Variants in CPAP observed in about 807,000 individuals in gnomAD.
CPAP encodes the protein centrosome assembly and centriole elongation protein.
At chr13:24,914,393 A>G in the CPAP span, among the ~76,000 whole-genome samples, 2 of 152,148 alleles carry the variant, frequency 1.3e-5, no homozygotes, top group Admixed American at 6.5e-5. Context: ...TGAGATCCAG[A>G]GCCAGGCTTC....
At chr13:24,893,542 G>A in the CPAP span, among the ~76,000 whole-genome samples, 1 of 152,238 alleles carries the variant, frequency 6.6e-6, no homozygotes, top group Non-Finnish European at 1.5e-5. Context: ...CGGCAGCCTG[G>A]TGAGGATGGA....
At chr13:24,884,108 A>T in the CPAP span, 1 of 1,606,784 alleles carries the variant, frequency 6.2e-7, no homozygotes, top group Non-Finnish European at 8.5e-7. Flanking sequence ...GTTACAGTAA[A>T]TATTTTTTGA....
chr13:24,903,306 C>T, the CPAP span, among the ~76,000 whole-genome samples: 17 of 152,162 alleles, frequency 1.1e-4, no homozygotes, highest in African/African-American at 3.6e-4. Flanking sequence ...GTTAAGATGA[C>T]GTTATACTGG....
the CPAP span, chr13:24,904,043 G>A: frequency 6.2e-7 from 1 of 1,613,830 alleles, no homozygotes; most frequent in Non-Finnish European, 8.5e-7. Flanking sequence ...CAAAACCTGG[G>A]ATCGAGCATT....
At chr13:24,932,923 C>CCA in the CPAP span, 286,747 of 889,762 alleles carry the variant, frequency 0.32, 47,704 homozygotes, top group Admixed American at 0.44. Context: ...CCTAATTTTT[C>CCA]CAGTTTGTAT....
At chr13:24,906,004 GA>G in the CPAP span, 1 of 1,613,990 alleles carries the variant, frequency 6.2e-7, no homozygotes, top group African/African-American at 1.3e-5. Context: ...TGCTCTTTTG[GA>G]CGGCTTTCCT....
the CPAP span, among the ~76,000 whole-genome samples, chr13:24,895,122 A>G: frequency 1.3e-5 from 2 of 152,248 alleles, no homozygotes. Context: ...GAAAACGGGA[A>G]GAAAGCGCAG....
At chr13:24,895,565 A>T in the CPAP span, among the ~76,000 whole-genome samples, 1 of 152,204 alleles carries the variant, frequency 6.6e-6, no homozygotes, top group Non-Finnish European at 1.5e-5. Context: ...AAGAAAGAAA[A>T]GAAAGAAAAG....
At chr13:24,899,866 G>A in the CPAP span, among the ~76,000 whole-genome samples, 69 of 152,118 alleles carry the variant, frequency 4.5e-4, no homozygotes, top group African/African-American at 1.6e-3. Context: ...AACACTGGGA[G>A]GCTGAGGCAG....
At chr13:24,906,628 C>T in the CPAP span, 185 of 1,614,202 alleles carry the variant, frequency 1.1e-4, no homozygotes, top group African/African-American at 1.8e-3. Flanking sequence ...TCAATCCTGA[C>T]GGAGAAAGAC....
chr13:24,903,882 T>G, the CPAP span: 2 of 1,597,792 alleles, frequency 1.3e-6, no homozygotes, highest in Non-Finnish European at 1.7e-6. Context: ...AAGGTATAAC[T>G]GAGTCACTGC....
the CPAP span, among the ~76,000 whole-genome samples, chr13:24,920,521 G>A: frequency 6.6e-6 from 1 of 151,342 alleles, no homozygotes; most frequent in Non-Finnish European, 1.5e-5. Context: ...CACACTTTGA[G>A]AACCACAGCT....
chr13:24,910,133 TTC>T, the CPAP span: 3 of 1,575,466 alleles, frequency 1.9e-6, no homozygotes, highest in Non-Finnish European at 2.6e-6. Context: ...CTTCAACATT[TTC>T]TCTTTTATCC....
chr13:24,911,989 T>C, the CPAP span: 1 of 1,614,198 alleles, frequency 6.2e-7, no homozygotes, highest in Middle Eastern at 1.6e-4. Flanking sequence ...GCAGCTTCTC[T>C]TGTTCTTCCA....
chr13:24,898,013 A>G, the CPAP span, among the ~76,000 whole-genome samples: 1 of 152,168 alleles, frequency 6.6e-6, no homozygotes, highest in Non-Finnish European at 1.5e-5. Context: ...CTCCTGCCTC[A>G]GCCTCCCATG....
chr13:24,894,341 G>A, the CPAP span, among the ~76,000 whole-genome samples: 1 of 152,228 alleles, frequency 6.6e-6, no homozygotes, highest in African/African-American at 2.4e-5. Context: ...TGGACTTTCT[G>A]TCAGAACAGC....
the CPAP span, among the ~76,000 whole-genome samples, chr13:24,919,711 C>A: frequency 6.6e-6 from 1 of 151,904 alleles, no homozygotes; most frequent in Admixed American, 6.6e-5. Flanking sequence ...TGAGCCCCTG[C>A]GCCCAGTATT....
At chr13:24,907,173 C>T in the CPAP span, 3 of 1,613,080 alleles carry the variant, frequency 1.9e-6, no homozygotes, top group African/African-American at 4.0e-5. Flanking sequence ...TTTCCTTTCT[C>T]CAATAGCAGC....
the CPAP span, among the ~76,000 whole-genome samples, chr13:24,895,924 T>C: frequency 7.2e-5 from 11 of 152,332 alleles, no homozygotes; most frequent in African/African-American, 2.6e-4. Context: ...GCTGAATGAA[T>C]ACCCAAAATA....
Sources: allele counts gnomAD v4.1 joint callset (sites outside exome capture counted in the v4.1 genomes callset), GRCh38; gene constraint gnomAD v4.1.1; transcripts MANE v1.5; gene names NCBI Gene and HGNC (gene_info 2026-07-23, HGNC 2026-07-21).